DNAH5: variants seen among roughly 807,000 people sequenced by gnomAD.
The protein encoded by DNAH5 is axonemal beta dynein heavy chain 5.
A neutral mutation model predicts 518.2 loss-of-function variants in DNAH5; 372 were observed. The observed-to-expected ratio is 0.72, with a 90% CI of 0.66 to 0.78. The LOEUF (loss-of-function observed/expected upper bound fraction) is 0.78. Among genes scored for constraint, DNAH5 ranks in the 30% least tolerant of loss-of-function variants. DNAH5 has a pLI of 0.00. For synonymous variants in DNAH5, 2,039 were observed against 2,025.9 expected (o/e 1.01, Z -0.17); for missense variants, 5,523 against 5,687.0 (o/e 0.97, Z 0.93).
intron 1 of DNAH5, among the ~76,000 whole-genome samples, chr5:13,993,275 G>T (rs913984376): frequency 6.6e-6 from 1 of 152,150 alleles, no homozygotes; most frequent in Non-Finnish European, 1.5e-5. Context: ...ATTCAGAAAG[G>T]AGTTAAATAC....
At chr5:13,900,158 C>T (rs748538408) in intron 15 of DNAH5, 48 bp downstream of exon 15, 8 of 1,504,656 alleles carry the variant, frequency 5.3e-6, no homozygotes, top group Non-Finnish European at 7.4e-6. Context: ...TTTTATAATA[C>T]ATTCCAGAGC....
intron 58 of DNAH5, among the ~76,000 whole-genome samples, chr5:13,766,861 G>A (rs1292742085): frequency 1.3e-5 from 2 of 152,168 alleles, no homozygotes; most frequent in Non-Finnish European, 2.9e-5. Flanking sequence ...TATGGAATAA[G>A]TATTGAAAAA....
At chr5:13,922,426 C>T (rs1258023761) in intron 4 of DNAH5, 98 bp from the exon 5 acceptor site, 2 of 1,230,058 alleles carry the variant, frequency 1.6e-6, no homozygotes, top group Non-Finnish European at 2.3e-6. Context: ...TACCAAATAC[C>T]CAGTAAATTA....
At chr5:13,806,899 T>A (rs1242018436) in intron 47 of DNAH5, among the ~76,000 whole-genome samples, 3 of 152,226 alleles carry the variant, frequency 2.0e-5, no homozygotes, top group Non-Finnish European at 2.9e-5. Context: ...TCTAAGATTT[T>A]ATACCTTGTT....
chr5:13,798,745 TTTATTTATTTA>T (rs1758247624), intron 47 of DNAH5, among the ~76,000 whole-genome samples: 1 of 28,600 alleles, frequency 3.5e-5, no homozygotes, highest in African/African-American at 2.1e-4. Flanking sequence ...ATTTATTTTA[TTTATTTATTTA>T]TTTATTTATT....
intron 55 of DNAH5, among the ~76,000 whole-genome samples, chr5:13,775,068 G>C (rs1188786275): frequency 7.2e-6 from 1 of 139,538 alleles, no homozygotes; most frequent in Non-Finnish European, 1.6e-5. Flanking sequence ...AAGGTCTTTT[G>C]TTCTTTTTAT....
chr5:13,718,338 A>G (rs1402345919), intron 72 of DNAH5, among the ~76,000 whole-genome samples: 1 of 152,226 alleles, frequency 6.6e-6, no homozygotes, highest in Non-Finnish European at 1.5e-5. Context: ...TTTCTGACTG[A>G]AAGTTCCATG....
Position 13,776,659 on chromosome 5 carries a change from G to T in DNAH5, c.9153C>A (p.Asp3051Glu), listed in dbSNP as rs778297153. 6.2e-7 allele frequency: 1 copy of T among 1,613,834 alleles called. No homozygotes were observed. The highest frequency in any genetic ancestry group is 1.1e-5 in the South Asian group (1 of 91,078). Reference protein sequence around the residue: ...ARDEIDEINSDLASVMKKEFP... With the variant: ...ARDEIDEINSELASVMKKEFP... ...ATTCTTTTTTCATGACTGATGCCAG[G>T]TCGCTATTAATTTCATCAATTTCAT... The change falls in exon 55 of 79, where the codon GAC (aspartate) becomes GAA (glutamate). Residue 3051 changes from aspartate to glutamate, a missense_variant. Coordinates refer to ENST00000265104, the MANE Select transcript of DNAH5 (RefSeq NM_001369.3).
At position 13,917,191 on chromosome 5, in the gene DNAH5, G is replaced by A. The variant is rs2151986754; in HGVS notation, c.1041C>T (p.Tyr347=). Residue 347 remains tyrosine (Y), a synonymous_variant, in exon 8 of 79, where the codon TAC becomes TAT. Transcript: ENST00000265104. ...CACAACATTTTTCAAGTGTATACAA[G>A]TATTTCACATTGTCCTTTGCTTCAT... is the stretch of plus-strand genomic sequence containing the variant. ...ATNEAKDNVK[Y]LYTLEKCCDP... The A allele has an allele frequency of 6.2e-7, 1 of 1,613,960 alleles. No individual in the cohort carries two copies. The highest frequency in any genetic ancestry group is 8.5e-7 in the Non-Finnish European group (1 of 1,179,926).
Position 13,841,076 on chromosome 5 carries a change from T to G in DNAH5, c.5539A>C (p.Arg1847=). 1 of 1,614,154 alleles carries G rather than the reference T, an allele frequency of 6.2e-7. No individual in the cohort carries two copies. The highest frequency in any genetic ancestry group is 8.5e-7 in the Non-Finnish European group (1 of 1,180,010). ...ATTTTTTTATCAAACTTGGCATTTC[T>G]AAGGGCTTCTTCTGAATCCCGTGTC... The part of the protein sequence containing the change: ...IWTRDSEEAL[R]NAKFDKKIMQ... The change falls in exon 34 of 79, where the codon AGA becomes CGA. Residue 1847 remains arginine, a synonymous_variant. Coordinates refer to ENST00000265104, the MANE Select transcript of DNAH5 (RefSeq NM_001369.3).
chr5:13,889,901 G>T (rs1316749015), intron 17 of DNAH5, among the ~76,000 whole-genome samples: 2 of 152,092 alleles, frequency 1.3e-5, no homozygotes, highest in African/African-American at 4.8e-5. Context: ...TCCTCCTAGT[G>T]GGGGTGGTCT....
chr5:13,830,097 TG>T lies in DNAH5; in HGVS notation c.6177del (p.His2059GlnfsTer13). On this transcript the variant is annotated frameshift_variant, in exon 37 of 79. Transcript: ENST00000265104. LOFTEE classifies it high-confidence loss of function. ...CCATCAGTAAAGATAAAAGACTTTT[TG>T]TGCTCCTTTTTACATGTCAGAATAA... ...ISIILTCKKE[H>X]KKSFIFTDGD... 6.2e-7 allele frequency: 1 copy of T among 1,614,070 alleles called. No homozygotes were observed. The highest frequency in any genetic ancestry group is 8.5e-7 in the Non-Finnish European group (1 of 1,179,974).
intron 29 of DNAH5, 32 bp downstream of exon 29, chr5:13,862,516 A>G (rs1314002832): frequency 1.4e-5 from 22 of 1,606,030 alleles, no homozygotes; most frequent in Non-Finnish European, 1.9e-5. Context: ...ACGGTTCTCA[A>G]ATCTAAGGGA....
At chr5:13,915,423 A>C (rs1349221759) in intron 9 of DNAH5, among the ~76,000 whole-genome samples, 1 of 152,114 alleles carries the variant, frequency 6.6e-6, no homozygotes, top group Non-Finnish European at 1.5e-5. Flanking sequence ...TGCTAAATCA[A>C]GTTTTGCAAA....
In DNAH5 at chr5:13,866,289, A is replaced by G; in HGVS notation, c.4054-7T>C. ...CGCTAGCCATTGGACCATTCTGAAC[A>G]AAAAGTAAAAAAAGAAAAATAGAAG... On this transcript the variant is annotated splice_region_variant and splice_polypyrimidine_tract_variant and intron_variant, in intron 25 of 78. Coordinates refer to ENST00000265104, the MANE Select transcript of DNAH5 (RefSeq NM_001369.3). 1 of 1,611,132 alleles carries G rather than the reference A, an allele frequency of 6.2e-7. No individual in the cohort carries two copies. The highest frequency in any genetic ancestry group is 8.5e-7 in the Non-Finnish European group (1 of 1,178,632).
chr5:13,800,467 T>C (rs971125555), intron 47 of DNAH5, among the ~76,000 whole-genome samples: 1 of 152,256 alleles, frequency 6.6e-6, no homozygotes, highest in African/African-American at 2.4e-5. Flanking sequence ...TATTGCCCCA[T>C]CCAAAAATTT....
intron 51 of DNAH5, 103 bp from the exon 52 acceptor site, chr5:13,786,454 A>G (rs926813985): frequency 1.4e-4 from 172 of 1,192,726 alleles, no homozygotes; most frequent in Non-Finnish European, 1.9e-4. Context: ...ACTGAATAAC[A>G]TTCATTTTAA....
chr5:13,776,548 G>A lies in DNAH5; in HGVS notation c.9264C>T (p.Phe3088=), dbSNP rs1298988496. Residue 3088 remains phenylalanine (F), a synonymous_variant, in exon 55 of 79, where the codon TTC becomes TTT. Coordinates refer to ENST00000265104, the MANE Select transcript of DNAH5 (RefSeq NM_001369.3). ...TTCGAAATTTCTCCCCCACTGGCGA[G>A]AAGCAGAGCACAATATGAAGGTTCT... ...VRQNLHIVLC[F]SPVGEKFRNR... The A allele has an allele frequency of 6.2e-7, 1 of 1,613,826 alleles. No homozygotes were observed. Among genetic ancestry groups the A allele is most frequent in the African/African-American group, 1.3e-5 (1 of 74,908 alleles).
intron 75 of DNAH5, among the ~76,000 whole-genome samples, chr5:13,710,168 C>A (rs1743304513): frequency 6.6e-6 from 1 of 152,128 alleles, no homozygotes; most frequent in Non-Finnish European, 1.5e-5. Context: ...AGTACCAGCC[C>A]AGAGCCAGGT....
Sources: allele counts gnomAD v4.1 joint callset (sites outside exome capture counted in the v4.1 genomes callset), GRCh38; gene constraint gnomAD v4.1.1; transcripts MANE v1.5; gene names NCBI Gene and HGNC (gene_info 2026-07-23, HGNC 2026-07-21).